RGS14: variants seen among roughly 807,000 people sequenced by gnomAD.
RGS14 encodes regulator of G-protein signaling 14.
A neutral mutation model predicts 63.8 loss-of-function variants in RGS14; 33 were observed. The ratio of observed to expected loss-of-function variants is 0.52; its 90% confidence interval spans 0.39 to 0.69. The LOEUF is 0.69. Ranked by LOEUF, RGS14 falls within the 30% of genes least tolerant of loss-of-function variation. The probability of loss-of-function intolerance (pLI) is 0.00; values close to 1 mark genes in which losing one functional copy is unlikely to be tolerated. For synonymous variants in RGS14, 296 were observed against 320.9 expected (o/e 0.92, Z 0.83); for missense variants, 739 against 742.9 (o/e 0.99, Z 0.06).
intron 9 of RGS14, 166 bp downstream of exon 9, chr5:177,369,086 C>G: frequency 3.0e-6 from 2 of 655,824 alleles, no homozygotes; most frequent in African/African-American, 1.8e-5. Flanking sequence ...ACCCACCCCC[C>G]ACCTCATGTC....
Position 177,371,506 on chromosome 5 carries a change from C to G in RGS14, c.1415C>G (p.Thr472Ser), listed in dbSNP as rs934624597. 6.2e-6 allele frequency: 10 copies of G among 1,614,006 alleles called. No homozygotes were observed. Among genetic ancestry groups the G allele is most frequent in the Middle Eastern group, 3.3e-4 (2 of 6,084 alleles). The change falls in exon 14 of 15, where the codon ACC becomes AGC. Residue 472 changes from threonine (T) to serine (S), a missense_variant. Physicochemically the swap from Thr to Ser is moderately conservative, Grantham distance 58. Transcript: ENST00000408923. This position sits in a 1 kb window ranked among gnomAD's most constrained non-coding sequence, Gnocchi z 6.1. ...CCACCTAGAACTCAGGATAAGGCCA[C>G]CCATCCCCCTCCAGCGTCCCCCAGT... Reference protein sequence around the residue: ...GCPPRTQDKATHPPPASPSSL... With the variant: ...GCPPRTQDKASHPPPASPSSL...
Position 177,368,159 on chromosome 5 carries a change from C to G in RGS14, c.742C>G (p.Leu248Val), listed in dbSNP as rs763205618. The G allele has an allele frequency of 2.0e-5, 32 of 1,612,764 alleles. No individual in the cohort carries two copies. Among genetic ancestry groups the G allele is most frequent in the Non-Finnish European group, 2.6e-5 (31 of 1,179,758 alleles). Residue 248 changes from leucine (L) to valine (V), a missense_variant and splice_region_variant, in exon 8 of 15, where the codon CTG becomes GTG. Transcript: ENST00000408923. ...GTTCATCGCTCCCTCTTCACTAGAG[C>G]TGGGCGGGACTGCAAACGCCGCCTT... ...RPLRKSFRRE[L>V]GGTANAALRR...
At position 177,364,264 on chromosome 5, in the gene RGS14, T is replaced by G. The variant is rs1762040843; in HGVS notation, c.46-1699T>G. On this transcript the variant is annotated intron_variant, in intron 1 of 14. Coordinates refer to ENST00000408923, the MANE Select transcript of RGS14 (RefSeq NM_006480.5). This position sits in a 1 kb window ranked among gnomAD's most constrained non-coding sequence, Gnocchi z 4.6. ...ATAAGGGGCTGGTGGTAGGAACTTC[T>G]GTGACAGGGCATGGTGAAAGTGTAG... Among the ~76,000 whole-genome samples, 1 of 152,138 alleles carries G rather than the reference T, an allele frequency of 6.6e-6. No homozygotes were observed. The highest frequency in any genetic ancestry group is 2.4e-5 in the African/African-American group (1 of 41,414).
chr5:177,370,773 G>T, intron 10 of RGS14, 109 bp downstream of exon 10: 1 of 1,482,718 alleles, frequency 6.7e-7, no homozygotes, highest in Non-Finnish European at 9.2e-7. Flanking sequence ...CCCCGCCCCT[G>T]GGACAAACCC....
chr5:177,365,317 C>G (rs1415823078), intron 1 of RGS14, among the ~76,000 whole-genome samples: 1 of 152,096 alleles, frequency 6.6e-6, no homozygotes, highest in Non-Finnish European at 1.5e-5. Flanking sequence ...CTCAGCCTCC[C>G]GAGTAGCTGG....
chr5:177,371,988 C>T lies in RGS14; in HGVS notation c.1614C>T (p.Pro538=). ...TTCTGCAGCTGCCCGCCCAAGGGCC[C>T]AGCTCCGAGGAGACCCCACCACAGA... ...PEFLQLPAQG[P]SSEETPPQTK... The change falls in exon 15 of 15, where the codon CCC becomes CCT. Residue 538 remains proline, a synonymous_variant. Coordinates refer to ENST00000408923, the MANE Select transcript of RGS14 (RefSeq NM_006480.5). This position sits in a 1 kb window ranked among gnomAD's most constrained non-coding sequence, Gnocchi z 6.1. 2 of 1,614,162 alleles carry T rather than the reference C, an allele frequency of 1.2e-6. No individual in the cohort carries two copies. The highest frequency in any genetic ancestry group is 1.7e-6 in the Non-Finnish European group (2 of 1,180,020).
At position 177,358,144 on chromosome 5, in the gene RGS14, G is replaced by A. The variant is rs1224989639; in HGVS notation, c.45+75G>A. On this transcript the variant is annotated intron_variant, in intron 1 of 14. Transcript: ENST00000408923. The surrounding 1 kb of genome is among the most constrained non-coding windows in gnomAD (Gnocchi z 4.8). ...AGGGTGGAGCCCAGGAGGCACACCC[G>A]GCAGGGCCAGGCAAGAGCCCACGGG... is the stretch of plus-strand genomic sequence containing the variant. 1.3e-5 allele frequency: 15 copies of A among 1,190,498 alleles called. No homozygotes were observed. The Admixed American group carries it at 2.0e-4, about 16-fold the overall frequency. 73.7% of individuals were successfully genotyped at this position (1,190,498 alleles called of 1,614,324 possible). A position where few individuals can be genotyped will look rare whatever the true frequency, so the allele number is the denominator to read the frequency against.
Position 177,358,909 on chromosome 5 carries a change from A to G in RGS14, c.45+840A>G, listed in dbSNP as rs1158583484. Reference sequence around the variant, plus strand: ...CACGGGCCAAAGCCAGTGGCTCTATAGAGACCTGGGTTCCAGTCCTGGTTC... The same window carrying G: ...CACGGGCCAAAGCCAGTGGCTCTATGGAGACCTGGGTTCCAGTCCTGGTTC... On this transcript the variant is annotated intron_variant, in intron 1 of 14. Transcript: ENST00000408923. This position sits in a 1 kb window ranked among gnomAD's most constrained non-coding sequence, Gnocchi z 4.8. Among the ~76,000 whole-genome samples, 1 of 152,226 alleles carries G rather than the reference A, an allele frequency of 6.6e-6. No homozygotes were observed. The highest frequency in any genetic ancestry group is 1.5e-5 in the Non-Finnish European group (1 of 68,034).
At chr5:177,363,056 G>T (rs1399272331) in intron 1 of RGS14, among the ~76,000 whole-genome samples, 2 of 152,168 alleles carry the variant, frequency 1.3e-5, no homozygotes, top group African/African-American at 4.8e-5. Context: ...GGAGGGCGAT[G>T]ACTGCGTCTC....
chr5:177,371,846 G>A lies in RGS14; in HGVS notation c.1499-27G>A. On this transcript the variant is annotated intron_variant, in intron 14 of 14. Coordinates refer to ENST00000408923, the MANE Select transcript of RGS14 (RefSeq NM_006480.5). The surrounding 1 kb of genome is among the most constrained non-coding windows in gnomAD (Gnocchi z 6.1). ...GGCATATAGGCAGGTCTGCTGGGGG[G>A]ACCCTCATGCTGTGGCTTGCCTCCA... 2 of 1,602,062 alleles carry A rather than the reference G, an allele frequency of 1.2e-6. No homozygotes were observed. Among genetic ancestry groups the A allele is most frequent in the South Asian group, 1.1e-5 (1 of 90,222 alleles).
chr5:177,367,700 C>G lies in RGS14; in HGVS notation c.628-14C>G, dbSNP rs1463350019. 1 of 1,610,220 alleles carries G rather than the reference C, an allele frequency of 6.2e-7. No individual in the cohort carries two copies. The highest frequency in any genetic ancestry group is 8.5e-7 in the Non-Finnish European group (1 of 1,178,778). On this transcript the variant is annotated splice_polypyrimidine_tract_variant and intron_variant, in intron 6 of 14. Transcript: ENST00000408923. ...GGGCCCAGCCCGGTGCCAGCGCCTC[C>G]CCTGTACCCACAGAAGCCGAAGCTG...
chr5:177,369,498 TG>T (rs1762189096), intron 9 of RGS14, among the ~76,000 whole-genome samples: 1 of 152,074 alleles, frequency 6.6e-6, no homozygotes, highest in Non-Finnish European at 1.5e-5. Context: ...AACCTAGATC[TG>T]GGGCTGTCCT....
intron 1 of RGS14, among the ~76,000 whole-genome samples, chr5:177,360,112 C>A (rs900377643): frequency 1.3e-5 from 2 of 152,200 alleles, no homozygotes; most frequent in Non-Finnish European, 2.9e-5. Flanking sequence ...CTAGGGATGT[C>A]TTCACACAGC....
In RGS14 at chr5:177,364,331, G is replaced by A. The variant is rs1762043001; in HGVS notation, c.46-1632G>A. On this transcript the variant is annotated intron_variant, in intron 1 of 14. Transcript: ENST00000408923. This position sits in a 1 kb window ranked among gnomAD's most constrained non-coding sequence, Gnocchi z 4.6. ...AGGAACTGGGGATGACTCAAGCCCT[G>A]ATGTTGGAAGCCCGGGTGATGGGAA... Among the ~76,000 whole-genome samples, 1 of 152,196 alleles carries A rather than the reference G, an allele frequency of 6.6e-6. No homozygotes were observed. The highest frequency in any genetic ancestry group is 2.4e-5 in the African/African-American group (1 of 41,446).
At chr5:177,370,281 G>T (rs1306002221) in intron 9 of RGS14, among the ~76,000 whole-genome samples, 1 of 152,206 alleles carries the variant, frequency 6.6e-6, no homozygotes, top group African/African-American at 2.4e-5. Flanking sequence ...AGAAAGAGTA[G>T]GCCAGAGATC....
intron 1 of RGS14, among the ~76,000 whole-genome samples, chr5:177,360,223 TC>T (rs1197723241): frequency 8.6e-5 from 13 of 152,006 alleles, no homozygotes; most frequent in Admixed American, 6.6e-4. Flanking sequence ...TCCTAGACAC[TC>T]CCGACCCAGG....
chr5:177,369,152 A>T (rs1762180325), intron 9 of RGS14: 2 of 558,124 alleles, frequency 3.6e-6, no homozygotes, highest in Non-Finnish European at 6.5e-6. Context: ...AGGGAGGTAA[A>T]ACTGGAGAGA....
chr5:177,364,188 G>A lies in RGS14; in HGVS notation c.46-1775G>A, dbSNP rs1315168047. ...TCCATTCAGGAGGGTGGGGGTTGGG[G>A]GGCTTTCCGGGGTGGAGATGTTTGC... On this transcript the variant is annotated intron_variant, in intron 1 of 14. Coordinates refer to ENST00000408923, the MANE Select transcript of RGS14 (RefSeq NM_006480.5). This position sits in a 1 kb window ranked among gnomAD's most constrained non-coding sequence, Gnocchi z 4.6. Among the ~76,000 whole-genome samples, 1 of 152,106 alleles carries A rather than the reference G, an allele frequency of 6.6e-6. No individual in the cohort carries two copies. Among genetic ancestry groups the A allele is most frequent in the Admixed American group, 6.6e-5 (1 of 15,262 alleles).
Position 177,371,248 on chromosome 5 carries a change from T to G in RGS14, c.1336+2T>G. ...GACTGGTTTTGGACACTCTTCCAGG[T>G]AGGGGACGCTGGCCTCGGGGCTTGA... On this transcript the variant is annotated splice_donor_variant, in intron 12 of 14. Coordinates refer to ENST00000408923, the MANE Select transcript of RGS14 (RefSeq NM_006480.5). LOFTEE classifies it high-confidence loss of function. This position sits in a 1 kb window ranked among gnomAD's most constrained non-coding sequence, Gnocchi z 6.1. The G allele has an allele frequency of 6.2e-7, 1 of 1,613,800 alleles. No homozygotes were observed. The highest frequency in any genetic ancestry group is 8.5e-7 in the Non-Finnish European group (1 of 1,179,900).
Sources: gnomAD v4.1 joint callset for allele counts (sites outside exome capture counted in the v4.1 genomes callset) on GRCh38, gnomAD v4.1.1 for gene constraint, Gnocchi (gnomAD v3.1) non-coding constraint, MANE v1.5 for transcripts, NCBI Gene and HGNC (gene_info 2026-07-23, HGNC 2026-07-21) for gene names.